The following ACACA variants were observed in gnomAD, a reference collection of about 807,000 sequenced individuals.
The protein encoded by ACACA is acetyl-CoA carboxylase 1.
In ACACA, 103 loss-of-function variants were observed where a neutral mutation model predicts 296.1. That is an observed-to-expected ratio of 0.35 (90% confidence interval 0.30 to 0.41). The LOEUF (loss-of-function observed/expected upper bound fraction) is 0.41. ACACA is among the 10% of genes least tolerant of loss of function. The pLI, the probability that ACACA is intolerant of heterozygous loss-of-function variation, is 1.00. For missense variants in ACACA, 1,554 were observed against 2,989.7 expected (o/e 0.52, Z 11.20); for synonymous variants, 953 against 1,038.6 (o/e 0.92, Z 1.58).
In ACACA at chr17:37,174,004, ATATATATATATATATATTTTTTTT is replaced by A. The variant is rs1405314156; in HGVS notation, c.5079+5232_5079+5255del. The stretch of plus-strand genomic sequence containing the variant: ...AATTTATATATATATATATATATAT[ATATATATATATATATATTTTTTTT>A]TTTTTTTTTTTTTGTAGCGATAGGG... On this transcript the variant is annotated intron_variant, in intron 41 of 55. Coordinates refer to ENST00000616317, the MANE Select transcript of ACACA (RefSeq NM_198834.3). 3.6e-4 allele frequency among the ~76,000 whole-genome samples: 4 copies of A among 11,170 alleles called. 1 individual carries two copies. The highest frequency in any genetic ancestry group is 5.9e-4 in the Non-Finnish European group (4 of 6,784). The allele number at this position is 11,170 out of a possible 152,430, so 7.3% of individuals were successfully genotyped here. A position where few individuals can be genotyped will look rare whatever the true frequency, so the allele number is the denominator to read the frequency against.
intron 54 of ACACA, 97 bp downstream of exon 54, chr17:37,096,899 C>T: frequency 7.0e-7 from 1 of 1,423,208 alleles, no homozygotes; most frequent in Non-Finnish European, 9.9e-7. Flanking sequence ...CTACTCCTGC[C>T]CTTAGAGGCC....
At position 37,277,000 on chromosome 17, in the gene ACACA, C is replaced by T. The variant is rs752900605; in HGVS notation, c.802+33G>A. 5.0e-6 allele frequency: 8 copies of T among 1,585,290 alleles called. No homozygotes were observed. In the Admixed American group the frequency reaches 1.3e-4, roughly 26 times the overall value. On this transcript the variant is annotated intron_variant, in intron 7 of 55. Coordinates refer to ENST00000616317, the MANE Select transcript of ACACA (RefSeq NM_198834.3). ...TGTGGGCAAAATTGACAGAAAGAAA[C>T]AGAAAGACGGACAATATGTCAGAAC... is the stretch of plus-strand genomic sequence containing the variant.
chr17:37,143,652 C>T (rs185806880), intron 45 of ACACA: 4 of 893,556 alleles, frequency 4.5e-6, no homozygotes, highest in South Asian at 1.6e-5. Context: ...GCTTTATAGA[C>T]AAGAAAAAAA....
At chr17:37,293,419 T>G (rs549115795) in intron 3 of ACACA, among the ~76,000 whole-genome samples, 1 of 151,902 alleles carries the variant, frequency 6.6e-6, no homozygotes, top group Admixed American at 6.6e-5. Context: ...CCATCAGAGA[T>G]AAAAGCATTA....
At chr17:37,248,195 A>G (rs376491782) in intron 17 of ACACA, 39 bp from the exon 18 acceptor site, 44 of 1,612,564 alleles carry the variant, frequency 2.7e-5, no homozygotes, top group Middle Eastern at 3.3e-4. Flanking sequence ...TGTCCCTTCC[A>G]GGTACAGCTC....
rs560066179 is a variant in ACACA at position 37,117,633 on chromosome 17, C to A, written c.6274+3722G>T. On this transcript the variant is annotated intron_variant, in intron 50 of 55. Coordinates refer to ENST00000616317, the MANE Select transcript of ACACA (RefSeq NM_198834.3). ...CAAATGGCTCTTCCATCTAAATATTCAGCCAGTTTTTATAATTTAATTTTG... is the reference window on the plus strand; with the variant it reads ...CAAATGGCTCTTCCATCTAAATATTAAGCCAGTTTTTATAATTTAATTTTG... 2.0e-5 allele frequency among the ~76,000 whole-genome samples: 3 copies of A among 152,242 alleles called. No individual in the cohort carries two copies. The South Asian group carries it at 6.2e-4, about 32-fold the overall frequency.
chr17:37,177,755 G>A (rs557991767), intron 41 of ACACA, among the ~76,000 whole-genome samples: 6 of 152,234 alleles, frequency 3.9e-5, no homozygotes, highest in Non-Finnish European at 7.4e-5. Flanking sequence ...TTTCAACTTC[G>A]TGTGCTGATG....
In ACACA at chr17:37,191,109, G is replaced by A. The variant is rs2077733359; in HGVS notation, c.4572+11C>T. On this transcript the variant is annotated intron_variant, in intron 38 of 55. Transcript: ENST00000616317. ...TGCTAGTGCTGGGAGAGAAGCTAAGGAGAAATGTACCTTTGATGGGTCCAT... is the reference window on the plus strand; with the variant it reads ...TGCTAGTGCTGGGAGAGAAGCTAAGAAGAAATGTACCTTTGATGGGTCCAT... The A allele has an allele frequency of 6.2e-7, 1 of 1,613,822 alleles. No individual in the cohort carries two copies. Among genetic ancestry groups the A allele is most frequent in the African/African-American group, 1.3e-5 (1 of 74,884 alleles).
At chr17:37,402,066 G>A (rs1245501629) in intron 1 of ACACA, among the ~76,000 whole-genome samples, 6 of 152,120 alleles carry the variant, frequency 3.9e-5, no homozygotes, top group Non-Finnish European at 7.3e-5. Context: ...TATCCTGAAG[G>A]TCAATCTTCA....
intron 52 of ACACA, among the ~76,000 whole-genome samples, chr17:37,100,389 G>A (rs982679608): frequency 6.6e-6 from 1 of 152,144 alleles, no homozygotes; most frequent in African/African-American, 2.4e-5. Context: ...CATGACTCCT[G>A]ATGATGTACT....
chr17:37,246,883 C>T lies in ACACA; in HGVS notation c.2403G>A (p.Gln801=). Residue 801 remains glutamine, a synonymous_variant, in exon 19 of 56, where the codon CAG becomes CAA. Coordinates refer to ENST00000616317, the MANE Select transcript of ACACA (RefSeq NM_198834.3). Reference sequence around the variant, plus strand: ...CATGACCTCCATCTTCTACAATGTACTGGATTAACTTCCCAGCAGAAGGTG... The same window carrying T: ...CATGACCTCCATCTTCTACAATGTATTGGATTAACTTCCCAGCAGAAGGTG... ...MRSPSAGKLI[Q]YIVEDGGHVF... is the part of the protein sequence containing the mutation. 1 of 1,614,120 alleles carries T rather than the reference C, an allele frequency of 6.2e-7. No homozygotes were observed. Among genetic ancestry groups the T allele is most frequent in the Non-Finnish European group, 8.5e-7 (1 of 1,180,020 alleles).
In ACACA at chr17:37,262,121, T is replaced by C. The variant is rs564980996; in HGVS notation, c.1329+1564A>G. 2.6e-4 allele frequency among the ~76,000 whole-genome samples: 40 copies of C among 152,228 alleles called. 1 individual carries two copies. Among genetic ancestry groups the C allele is most frequent in the African/African-American group, 9.4e-4 (39 of 41,544 alleles). ...GGAAAAAGGATAAAGGGATAATAGG[T>C]AGCCAGAGGAACAGACTGAGGCACA... On this transcript the variant is annotated intron_variant, in intron 11 of 55. Coordinates refer to ENST00000616317, the MANE Select transcript of ACACA (RefSeq NM_198834.3).
chr17:37,205,879 C>T lies in ACACA; in HGVS notation c.3949-7G>A. On this transcript the variant is annotated splice_polypyrimidine_tract_variant and splice_region_variant and intron_variant, in intron 32 of 55. Coordinates refer to ENST00000616317, the MANE Select transcript of ACACA (RefSeq NM_198834.3). ...TTGGTTCATCCCTGGGAACCTGTAA[C>T]TCAAGAACACAAGTCAAAGAAATTA... 6.2e-7 allele frequency: 1 copy of T among 1,601,706 alleles called. No individual in the cohort carries two copies. Among genetic ancestry groups the T allele is most frequent in the South Asian group, 1.1e-5 (1 of 90,894 alleles).
At chr17:37,088,283 A>T (rs1176928690) in intron 55 of ACACA, among the ~76,000 whole-genome samples, 1 of 152,144 alleles carries the variant, frequency 6.6e-6, no homozygotes, top group Non-Finnish European at 1.5e-5. Context: ...TGCACACTGA[A>T]ATATTTGGGG....
intron 38 of ACACA, among the ~76,000 whole-genome samples, chr17:37,190,866 T>C (rs773989891): frequency 6.6e-6 from 1 of 152,228 alleles, no homozygotes; most frequent in South Asian, 2.1e-4. Flanking sequence ...TTTCATGTTT[T>C]TGTACTGCTT....
chr17:37,393,144 CAA>C (rs11286732), intron 1 of ACACA, among the ~76,000 whole-genome samples: 5 of 82,422 alleles, frequency 6.1e-5, no homozygotes, highest in Admixed American at 1.4e-4. Context: ...AACTCCATCT[CAA>C]AAAAAAAAAA....
At chr17:37,286,533 G>A (rs867843477) in intron 3 of ACACA, among the ~76,000 whole-genome samples, 2 of 152,148 alleles carry the variant, frequency 1.3e-5, no homozygotes, top group Non-Finnish European at 2.9e-5. Context: ...TCACCAAACC[G>A]GAAGGCAGAA....
At chr17:37,397,736 C>T (rs1312034919) in intron 1 of ACACA, among the ~76,000 whole-genome samples, 1 of 152,096 alleles carries the variant, frequency 6.6e-6, no homozygotes, top group Non-Finnish European at 1.5e-5. Flanking sequence ...TAGTGAACTT[C>T]GATCCATGTT....
At chr17:37,268,717 C>G (rs994121215) in intron 10 of ACACA, among the ~76,000 whole-genome samples, 1 of 108,638 alleles carries the variant, frequency 9.2e-6, no homozygotes, top group African/African-American at 3.7e-5. Context: ...ATATCTATAT[C>G]TATCTATCTA....
Sources: allele counts gnomAD v4.1 joint callset (sites outside exome capture counted in the v4.1 genomes callset), GRCh38; gene constraint gnomAD v4.1.1; transcripts MANE v1.5; gene names NCBI Gene and HGNC (gene_info 2026-07-23, HGNC 2026-07-21).